The following KALRN variants were observed in gnomAD, a reference collection of about 807,000 sequenced individuals.
KALRN encodes kalirin RhoGEF kinase.
In KALRN, 70 loss-of-function variants were observed where a neutral mutation model predicts 353.7. The ratio of observed to expected loss-of-function variants is 0.20; its 90% confidence interval spans 0.16 to 0.24. The LOEUF is 0.24. KALRN is among the 10% of genes least tolerant of loss of function. The probability of loss-of-function intolerance (pLI) is 1.00; values close to 1 mark genes in which losing one functional copy is unlikely to be tolerated. For missense variants in KALRN, 2,791 were observed against 3,756.7 expected, an observed-to-expected ratio of 0.74 and a Z score of 6.72; for synonymous variants, 1,391 against 1,434.8, an observed-to-expected ratio of 0.97 and a Z score of 0.69.
At chr3:124,608,754 A>G (rs79951941) in intron 34 of KALRN, among the ~76,000 whole-genome samples, 3,746 of 152,312 alleles carry the variant, frequency 0.025, 159 homozygotes, top group African/African-American at 0.082. Flanking sequence ...CAAGGTTTAA[A>G]GGTGAAAGTG....
chr3:124,347,371 CTGTG>C lies in KALRN; in HGVS notation c.1770+136_1770+139del, dbSNP rs10663884. ...TTGAAGAGGTGGCTCAGGTGAGAAG[CTGTG>C]TGTGTGTGTGTGTGTGTGTGTGTGT... On this transcript the variant is annotated intron_variant, in intron 10 of 59. Coordinates refer to ENST00000682506, the MANE Select transcript of KALRN (RefSeq NM_001388419.1). The C allele has an allele frequency of 5.6e-4, 316 of 563,114 alleles. 2 individuals carry two copies. The highest frequency in any genetic ancestry group is 2.8e-3 in the East Asian group (72 of 25,380). 34.9% of individuals were successfully genotyped at this position (563,114 alleles called of 1,614,324 possible). A position where few individuals can be genotyped will look rare whatever the true frequency, so the allele number is the denominator to read the frequency against.
chr3:124,318,068 T>G (rs2078979307), intron 6 of KALRN, among the ~76,000 whole-genome samples: 2 of 152,198 alleles, frequency 1.3e-5, no homozygotes, highest in Non-Finnish European at 2.9e-5. Context: ...CCTTTGGACA[T>G]ATGGCCAGGC....
chr3:124,106,916 G>C (rs1374269797), intron 1 of KALRN, among the ~76,000 whole-genome samples: 2 of 152,134 alleles, frequency 1.3e-5, no homozygotes, highest in Non-Finnish European at 2.9e-5. Flanking sequence ...GCTTTTAAAG[G>C]CTCCAGGCAA....
At position 124,332,133 on chromosome 3, in the gene KALRN, G is replaced by T. The variant is rs77567657; in HGVS notation, c.1417-2132G>T. ...CTGGCAGTCAATTATGGGAGATGGGGATGGCAGGATTGGGTGGGTGGTGGT... is the reference window on the plus strand; with the variant it reads ...CTGGCAGTCAATTATGGGAGATGGGTATGGCAGGATTGGGTGGGTGGTGGT... On this transcript the variant is annotated intron_variant, in intron 8 of 59. Transcript: ENST00000682506. Among the ~76,000 whole-genome samples, 1,999 of 152,210 alleles carry T rather than the reference G, an allele frequency of 0.013. 81 individuals carry two copies. In the East Asian group the frequency reaches 0.14, roughly 11 times the overall value.
chr3:124,254,702 A>AC (rs1406530083), intron 3 of KALRN, among the ~76,000 whole-genome samples: 1 of 152,180 alleles, frequency 6.6e-6, no homozygotes, highest in Non-Finnish European at 1.5e-5. Context: ...TCTCATTTTT[A>AC]CCAAAAAAAG....
intron 7 of KALRN, among the ~76,000 whole-genome samples, chr3:124,328,013 T>C (rs1479065966): frequency 6.6e-6 from 1 of 152,238 alleles, no homozygotes; most frequent in Non-Finnish European, 1.5e-5. Context: ...AGATGGAATA[T>C]GTAAGGTGCC....
At chr3:124,642,809 T>TTTTTTTTGTTGTTG (rs1553707050) in intron 37 of KALRN, among the ~76,000 whole-genome samples, 8 of 88,350 alleles carry the variant, frequency 9.1e-5, no homozygotes, top group Admixed American at 2.7e-4. Context: ...AAGCCTCGTT[T>TTTTTTTTGTTGTTG]TTTTTTTTTT....
chr3:124,587,947 GC>G (rs1318502193), intron 34 of KALRN, among the ~76,000 whole-genome samples: 2 of 151,994 alleles, frequency 1.3e-5, no homozygotes, highest in Non-Finnish European at 2.9e-5. Flanking sequence ...TACTGCCTCA[GC>G]CTCCCAAAAT....
intron 51 of KALRN, among the ~76,000 whole-genome samples, chr3:124,682,440 G>A (rs549307452): frequency 2.6e-5 from 4 of 152,304 alleles, no homozygotes; most frequent in Admixed American, 2.6e-4. Context: ...CACCCTGTGT[G>A]TTCACTCCGT....
At chr3:124,630,492 G>A (rs62265577) in intron 34 of KALRN, among the ~76,000 whole-genome samples, 27,029 of 152,054 alleles carry the variant, frequency 0.18, 2,815 homozygotes, top group Middle Eastern at 0.28. Context: ...CGCCTCCTGG[G>A]TTCAAGTGAT....
chr3:124,091,787 A>G (rs530458423), intron 1 of KALRN, among the ~76,000 whole-genome samples: 7 of 152,328 alleles, frequency 4.6e-5, no homozygotes, highest in African/African-American at 1.4e-4. Flanking sequence ...AGAAGGAGCC[A>G]CTGTGGAAGC....
chr3:124,457,655 T>C (rs2059452621), intron 23 of KALRN, among the ~76,000 whole-genome samples: 1 of 152,202 alleles, frequency 6.6e-6, no homozygotes, highest in South Asian at 2.1e-4. Context: ...GCAGCTATGA[T>C]TATTCCCATT....
chr3:124,581,859 A>G (rs911439526), intron 34 of KALRN, among the ~76,000 whole-genome samples: 5 of 152,132 alleles, frequency 3.3e-5, no homozygotes, highest in Admixed American at 6.6e-5. Context: ...TGGAAGAGAG[A>G]ACTAAATAAT....
At chr3:124,642,077 T>C (rs1578577001) in intron 37 of KALRN, among the ~76,000 whole-genome samples, 2 of 151,274 alleles carry the variant, frequency 1.3e-5, no homozygotes, top group African/African-American at 4.9e-5. Flanking sequence ...AGCTTAGGAG[T>C]TCAAGACCAG....
intron 8 of KALRN, among the ~76,000 whole-genome samples, chr3:124,331,276 T>TA (rs976124001): frequency 1.8e-4 from 28 of 152,186 alleles, no homozygotes; most frequent in African/African-American, 6.7e-4. Flanking sequence ...TACTCAGCCA[T>TA]AAAAAGGAAC....
At chr3:124,703,116 CAGTGA>C in intron 57 of KALRN, among the ~76,000 whole-genome samples, 1 of 152,142 alleles carries the variant, frequency 6.6e-6, no homozygotes, top group East Asian at 1.9e-4. Flanking sequence ...TAGCATTTCT[CAGTGA>C]AGCATAACAT....
chr3:124,646,997 A>G (rs1206235106), intron 37 of KALRN, among the ~76,000 whole-genome samples: 3 of 152,102 alleles, frequency 2.0e-5, no homozygotes, highest in African/African-American at 7.2e-5. Context: ...AAAACATGCT[A>G]TTTCCCTGCT....
At position 124,444,941 on chromosome 3, in the gene KALRN, G is replaced by T. The variant is rs568775182; in HGVS notation, c.3314-1220G>T. Among the ~76,000 whole-genome samples the T allele has an allele frequency of 2.6e-5, 4 of 152,246 alleles. No homozygotes were observed. The South Asian group carries it at 6.2e-4, about 24-fold the overall frequency. ...AGGTGAGAATGAAGGAGTATGAAAA[G>T]TACATAAAATCAACAAAAACTTCTC... On this transcript the variant is annotated intron_variant, in intron 19 of 59. Coordinates refer to ENST00000682506, the MANE Select transcript of KALRN (RefSeq NM_001388419.1).
intron 1 of KALRN, among the ~76,000 whole-genome samples, chr3:124,087,327 T>C (rs2060877725): frequency 6.6e-6 from 1 of 152,228 alleles, no homozygotes. Flanking sequence ...GTCTAATTTC[T>C]TTTTATAATT....
Sources: gnomAD v4.1 joint callset for allele counts (sites outside exome capture counted in the v4.1 genomes callset) on GRCh38, gnomAD v4.1.1 for gene constraint, MANE v1.5 for transcripts, NCBI Gene and HGNC (gene_info 2026-07-23, HGNC 2026-07-21) for gene names.